XRN2: variants seen among roughly 807,000 people sequenced by gnomAD.
XRN2 encodes DHM1-like protein.
XRN2 carries 44 observed loss-of-function variants against 138.5 expected under a neutral mutation model. The ratio of observed to expected loss-of-function variants is 0.32; its 90% CI spans 0.25 to 0.41. The LOEUF is 0.41. XRN2 is among the 10% of genes least tolerant of loss of function. XRN2 has a pLI of 1.00. For synonymous variants in XRN2, 354 were observed against 369.4 expected, an observed-to-expected ratio of 0.96 and a Z score of 0.48; for missense variants, 937 against 1,169.3, an observed-to-expected ratio of 0.80 and a Z score of 2.90.
At chr20:21,354,690 C>A in intron 20 of XRN2, 99 bp from the exon 21 acceptor site, 1 of 1,098,838 alleles carries the variant, frequency 9.1e-7, no homozygotes, top group Non-Finnish European at 1.3e-6. Flanking sequence ...TTTGTATCAG[C>A]AAGGAAACTC....
intron 1 of XRN2, 134 bp from the exon 2 acceptor site, chr20:21,326,144 CT>C: frequency 1.0e-5 from 9 of 867,900 alleles, no homozygotes; most frequent in African/African-American, 1.7e-5. Flanking sequence ...AATAAAATAA[CT>C]TATTATAATT....
At chr20:21,385,748 G>T (rs2038930483) in intron 28 of XRN2, among the ~76,000 whole-genome samples, 1 of 152,180 alleles carries the variant, frequency 6.6e-6, no homozygotes, top group Non-Finnish European at 1.5e-5. Context: ...GCTGTGAGAA[G>T]AATGCTTTAC....
intron 1 of XRN2, among the ~76,000 whole-genome samples, chr20:21,304,832 T>C (rs887762375): frequency 7.2e-5 from 11 of 152,242 alleles, no homozygotes; most frequent in Admixed American, 2.6e-4. Context: ...TTTTCTTCCC[T>C]TTCACCTCAA....
intron 4 of XRN2, 118 bp from the exon 5 acceptor site, chr20:21,330,363 A>ATG: frequency 1.1e-6 from 1 of 907,142 alleles, no homozygotes. Context: ...TTTTCCTCGG[A>ATG]TGACGAGACT....
At chr20:21,329,654 T>G (rs553660207) in intron 4 of XRN2, among the ~76,000 whole-genome samples, 1 of 152,324 alleles carries the variant, frequency 6.6e-6, no homozygotes, top group African/African-American at 2.4e-5. Flanking sequence ...AATGTCTTTT[T>G]TTTGAAGATG....
intron 27 of XRN2, among the ~76,000 whole-genome samples, chr20:21,379,201 A>G (rs1193634684): frequency 6.6e-6 from 1 of 152,058 alleles, no homozygotes; most frequent in Non-Finnish European, 1.5e-5. Context: ...AAAGGAAAAA[A>G]TTTTCCACTC....
intron 19 of XRN2, among the ~76,000 whole-genome samples, chr20:21,348,886 G>A (rs1224946008): frequency 3.9e-5 from 6 of 152,052 alleles, no homozygotes; most frequent in African/African-American, 1.4e-4. Context: ...CTCGTGATCT[G>A]CCCACCTCGG....
At position 21,328,354 on chromosome 20, in the gene XRN2, C is replaced by G. The variant is rs547559551; in HGVS notation, c.316-205C>G. 1.2e-4 allele frequency among the ~76,000 whole-genome samples: 19 copies of G among 152,282 alleles called. No homozygotes were observed. The South Asian group carries it at 3.9e-3, about 32-fold the overall frequency. ...GTCCATTTGACGTGGCACTCATTCA[C>G]CTGATTGAGCTCAGCTTTTGGGTTC... On this transcript the variant is annotated intron_variant, in intron 3 of 29. Coordinates refer to ENST00000377191, the MANE Select transcript of XRN2 (RefSeq NM_012255.5).
At position 21,319,303 on chromosome 20, in the gene XRN2, G is replaced by A. The variant is rs562892179; in HGVS notation, c.76-6976G>A. Among the ~76,000 whole-genome samples, 5 of 152,120 alleles carry A rather than the reference G, an allele frequency of 3.3e-5. No individual in the cohort carries two copies. The South Asian group carries it at 8.3e-4, about 25-fold the overall frequency. ...CTCAAGTGTATCTCCTGTAGATAAC[G>A]CAGAGTTAGATCATGTTTTTAAAAT... On this transcript the variant is annotated intron_variant, in intron 1 of 29. Transcript: ENST00000377191.
intron 1 of XRN2, among the ~76,000 whole-genome samples, chr20:21,304,225 C>A (rs1375186795): frequency 6.6e-6 from 1 of 152,010 alleles, no homozygotes; most frequent in Non-Finnish European, 1.5e-5. Context: ...TCATTCCATG[C>A]GGATTCGATT....
In XRN2 at chr20:21,389,474, A is replaced by C. The variant is rs544102437; in HGVS notation, c.*136A>C. Reference sequence around the variant, plus strand: ...ATTTCTTTTAACTGTGTATATTTCTACTGATCTGATCTCACTGTTTATGTT... The same window carrying C: ...ATTTCTTTTAACTGTGTATATTTCTCCTGATCTGATCTCACTGTTTATGTT... On this transcript the variant is annotated 3_prime_UTR_variant, in exon 30 of 30. Transcript: ENST00000377191. The C allele has an allele frequency of 2.7e-6, 2 of 747,404 alleles. No homozygotes were observed. The highest frequency in any genetic ancestry group is 3.6e-5 in the African/African-American group (2 of 56,252). The allele number at this position is 747,404 out of a possible 1,614,324, so 46.3% of individuals were successfully genotyped here. A position where few individuals can be genotyped will look rare whatever the true frequency, so the allele number is the denominator to read the frequency against.
At chr20:21,333,235 A>T (rs1444929428) in intron 9 of XRN2, among the ~76,000 whole-genome samples, 1 of 152,164 alleles carries the variant, frequency 6.6e-6, no homozygotes, top group Non-Finnish European at 1.5e-5. Flanking sequence ...TGTTTTTTAC[A>T]TTTTTAAAGT....
At chr20:21,385,834 G>T (rs1433933190) in intron 28 of XRN2, among the ~76,000 whole-genome samples, 3 of 152,192 alleles carry the variant, frequency 2.0e-5, no homozygotes, top group African/African-American at 7.2e-5. Flanking sequence ...GGTTATAACT[G>T]ATTACCAGCT....
chr20:21,350,480 A>T (rs890218940), intron 20 of XRN2, among the ~76,000 whole-genome samples: 1 of 132,394 alleles, frequency 7.6e-6, no homozygotes, highest in Admixed American at 8.8e-5. Flanking sequence ...GAGTCGAGAT[A>T]GCACCACTGC....
intron 27 of XRN2, among the ~76,000 whole-genome samples, chr20:21,370,842 T>C (rs1340711587): frequency 2.0e-5 from 3 of 152,240 alleles, no homozygotes; most frequent in Non-Finnish European, 4.4e-5. Flanking sequence ...GTTATGCCCA[T>C]TTATCAAAGA....
intron 1 of XRN2, among the ~76,000 whole-genome samples, chr20:21,318,987 AG>A (rs1364910317): frequency 6.6e-6 from 1 of 152,092 alleles, no homozygotes; most frequent in Admixed American, 6.5e-5. Context: ...CTATTATTGA[AG>A]GGGGAGTATT....
intron 17 of XRN2, among the ~76,000 whole-genome samples, chr20:21,347,195 C>T (rs2122248560): frequency 1.3e-5 from 2 of 152,270 alleles, no homozygotes; most frequent in South Asian, 4.1e-4. Context: ...TTGACAGTCA[C>T]TGAATGACTG....
chr20:21,313,522 G>A (rs936618776), intron 1 of XRN2, among the ~76,000 whole-genome samples: 3 of 152,234 alleles, frequency 2.0e-5, no homozygotes, highest in Non-Finnish European at 4.4e-5. Context: ...GAGGGTGGTT[G>A]TGTGGATTAG....
chr20:21,326,897 C>G (rs527917354), intron 3 of XRN2, among the ~76,000 whole-genome samples: 1 of 152,064 alleles, frequency 6.6e-6, no homozygotes, highest in Non-Finnish European at 1.5e-5. Flanking sequence ...TATTTATAGG[C>G]ATTATAAGCA....
Sources: allele counts gnomAD v4.1 joint callset (sites outside exome capture counted in the v4.1 genomes callset), GRCh38; gene constraint gnomAD v4.1.1; transcripts MANE v1.5; gene names NCBI Gene and HGNC (gene_info 2026-07-23, HGNC 2026-07-21).